The following BARX2 variants were observed in gnomAD, a reference collection of about 807,000 sequenced individuals.
BARX2 encodes BARX homeobox 2.
A neutral mutation model predicts 25.5 loss-of-function variants in BARX2; 11 were observed. The ratio of observed to expected loss-of-function variants is 0.43; its 90% CI spans 0.27 to 0.71. BARX2 has a LOEUF of 0.71. Among genes scored for constraint, BARX2 ranks in the 30% least tolerant of loss-of-function variants. The probability of loss-of-function intolerance (pLI) is 0.19; values close to 1 mark genes in which losing one functional copy is unlikely to be tolerated. For synonymous variants in BARX2, 137 were observed against 149.5 expected (o/e 0.92, Z 0.61); for missense variants, 360 against 359.9 (o/e 1.00, Z 0.00).
chr11:129,445,589 G>C (rs1369135134), intron 3 of BARX2, among the ~76,000 whole-genome samples: 5 of 152,158 alleles, frequency 3.3e-5, no homozygotes, highest in Non-Finnish European at 5.9e-5. Context: ...GTCCCTTTAG[G>C]AGCCAAGAGG....
intron 1 of BARX2, among the ~76,000 whole-genome samples, chr11:129,389,498 A>G (rs1861646250): frequency 6.6e-6 from 1 of 152,164 alleles, no homozygotes; most frequent in Non-Finnish European, 1.5e-5. Context: ...TTATAAATTC[A>G]TAAATGAGTG....
At chr11:129,401,256 T>C (rs1263919160) in intron 1 of BARX2, among the ~76,000 whole-genome samples, 1 of 152,052 alleles carries the variant, frequency 6.6e-6, no homozygotes, top group Non-Finnish European at 1.5e-5. Context: ...AGAGAAATTG[T>C]TAGAGATGGA....
chr11:129,436,706 C>G lies in BARX2; in HGVS notation c.188-45C>G. 1 of 1,526,374 alleles carries G rather than the reference C, an allele frequency of 6.6e-7. No individual in the cohort carries two copies. The highest frequency in any genetic ancestry group is 8.8e-7 in the Non-Finnish European group (1 of 1,132,690). The allele number at this position is 1,526,374 out of a possible 1,614,324, so 94.6% of individuals were successfully genotyped here. A position where few individuals can be genotyped will look rare whatever the true frequency, so the allele number is the denominator to read the frequency against. On this transcript the variant is annotated intron_variant, in intron 1 of 3. Coordinates refer to ENST00000281437, the MANE Select transcript of BARX2 (RefSeq NM_003658.5). The surrounding 1 kb of genome is among the most constrained non-coding windows in gnomAD (Gnocchi z 4.5). Reference sequence around the variant, plus strand: ...CCTCCGCAGGTCCTGGCCTGCTTCCCCACACCGTTCCCTGTGGTGACCTGC... The same window carrying G: ...CCTCCGCAGGTCCTGGCCTGCTTCCGCACACCGTTCCCTGTGGTGACCTGC...
At chr11:129,428,837 C>T (rs569703222) in intron 1 of BARX2, among the ~76,000 whole-genome samples, 10 of 152,298 alleles carry the variant, frequency 6.6e-5, no homozygotes, top group Middle Eastern at 3.4e-3. Flanking sequence ...CTCAGCATCA[C>T]GGCAGCTTTG....
chr11:129,450,219 T>C (rs1862380175), intron 3 of BARX2, among the ~76,000 whole-genome samples: 1 of 152,240 alleles, frequency 6.6e-6, no homozygotes, highest in African/African-American at 2.4e-5. Context: ...CTGTACTACT[T>C]CTTCGAACGC....
At chr11:129,382,329 C>T (rs1181041074) in intron 1 of BARX2, among the ~76,000 whole-genome samples, 1 of 152,142 alleles carries the variant, frequency 6.6e-6, no homozygotes, top group African/African-American at 2.4e-5. Context: ...CAGACATGTG[C>T]CACCATGCCT....
upstream of BARX2, chr11:129,375,796 C>CA: frequency 6.5e-6 from 1 of 153,366 alleles, no homozygotes; most frequent in East Asian, 1.9e-4. This position sits in a 1 kb window ranked among gnomAD's most constrained non-coding sequence, Gnocchi z 4.0. Flanking sequence ...AGGAAGCTCG[C>CA]GCTGATTGAC....
At chr11:129,378,555 T>G (rs1021985519) in intron 1 of BARX2, among the ~76,000 whole-genome samples, 6 of 118,864 alleles carry the variant, frequency 5.0e-5, no homozygotes, top group African/African-American at 1.8e-4. Context: ...TTCTTTTCTT[T>G]TCTTTTTCTT....
At chr11:129,442,092 A>ATCTT (rs2135414742) in intron 2 of BARX2, among the ~76,000 whole-genome samples, 1 of 152,334 alleles carries the variant, frequency 6.6e-6, no homozygotes, top group African/African-American at 2.4e-5. Flanking sequence ...TTCTTTTGGA[A>ATCTT]TCTTTATAAT....
At chr11:129,406,746 A>C (rs1011411673) in intron 1 of BARX2, among the ~76,000 whole-genome samples, 4 of 152,234 alleles carry the variant, frequency 2.6e-5, no homozygotes, top group African/African-American at 4.8e-5. Context: ...CCTGCATGTC[A>C]TGGCAAACTA....
chr11:129,432,525 C>G (rs939033154), intron 1 of BARX2, among the ~76,000 whole-genome samples: 2 of 150,484 alleles, frequency 1.3e-5, no homozygotes, highest in Admixed American at 1.3e-4. Context: ...TAAAGAGCCC[C>G]CCTTTCCCAG....
At chr11:129,435,266 G>A (rs1022826825) in intron 1 of BARX2, among the ~76,000 whole-genome samples, 1 of 152,190 alleles carries the variant, frequency 6.6e-6, no homozygotes, top group African/African-American at 2.4e-5. Context: ...GTTGGCTGGA[G>A]AGTTAATGGA....
At chr11:129,427,289 G>A (rs1390528639) in intron 1 of BARX2, among the ~76,000 whole-genome samples, 4 of 152,302 alleles carry the variant, frequency 2.6e-5, no homozygotes, top group Non-Finnish European at 5.9e-5. Context: ...CTCACTGTGT[G>A]AGTCAGGAAT....
chr11:129,450,909 T>A (rs1479063256), intron 3 of BARX2, among the ~76,000 whole-genome samples: 1 of 152,236 alleles, frequency 6.6e-6, no homozygotes, highest in South Asian at 2.1e-4. Context: ...ATGATTGTTG[T>A]ATTAAATGCC....
chr11:129,431,091 G>T (rs1345697332), intron 1 of BARX2, among the ~76,000 whole-genome samples: 1 of 152,046 alleles, frequency 6.6e-6, no homozygotes, highest in Non-Finnish European at 1.5e-5. Context: ...CAAAGTCCTG[G>T]CCTCAAGAGA....
intron 1 of BARX2, among the ~76,000 whole-genome samples, chr11:129,423,733 T>G (rs1421482049): frequency 3.3e-5 from 5 of 152,248 alleles, no homozygotes; most frequent in African/African-American, 4.8e-5. Context: ...ACTCTCTGGC[T>G]TGTGCTGCTG....
At chr11:129,442,636 T>G in intron 2 of BARX2, 199 bp from the exon 3 acceptor site, 1 of 592,344 alleles carries the variant, frequency 1.7e-6, no homozygotes, top group Admixed American at 2.4e-5. Flanking sequence ...CATGGGCATC[T>G]GTTTCTCAGC....
At chr11:129,384,833 A>G (rs1861602714) in intron 1 of BARX2, among the ~76,000 whole-genome samples, 1 of 152,220 alleles carries the variant, frequency 6.6e-6, no homozygotes, top group South Asian at 2.1e-4. Flanking sequence ...ATTACCTAAC[A>G]TGTAATAGGC....
intron 1 of BARX2, among the ~76,000 whole-genome samples, chr11:129,405,996 G>T (rs1861825721): frequency 1.3e-5 from 2 of 152,120 alleles, no homozygotes; most frequent in African/African-American, 4.8e-5. Context: ...ACCTATGTAT[G>T]TTACTTATCT....
Sources: allele counts gnomAD v4.1 joint callset (sites outside exome capture counted in the v4.1 genomes callset), GRCh38; gene constraint gnomAD v4.1.1; non-coding constraint Gnocchi (gnomAD v3.1); transcripts MANE v1.5; gene names NCBI Gene and HGNC (gene_info 2026-07-23, HGNC 2026-07-21).